Variants in CCDC30 observed in about 807,000 individuals in gnomAD.
CCDC30 encodes the protein coiled-coil domain containing 30.
Under a neutral mutation model 100.2 loss-of-function variants are expected in CCDC30, and 70 were observed. The ratio of observed to expected loss-of-function variants is 0.70; its 90% CI spans 0.58 to 0.85. The LOEUF (loss-of-function observed/expected upper bound fraction) is 0.85. Ranked by LOEUF, CCDC30 falls within the 40% of genes least tolerant of loss-of-function variation. The probability of loss-of-function intolerance (pLI) is 0.00; values close to 1 mark genes in which losing one functional copy is unlikely to be tolerated. For synonymous variants in CCDC30, 233 were observed against 269.5 expected (o/e 0.86, Z 1.33); for missense variants, 652 against 771.2 (o/e 0.85, Z 1.83).
At chr1:42,601,668 G>A (rs2148626106) in intron 10 of CCDC30, among the ~76,000 whole-genome samples, 1 of 152,224 alleles carries the variant, frequency 6.6e-6, no homozygotes, top group South Asian at 2.1e-4. Context: ...GGATTCAACA[G>A]GTGAACTGCA....
At chr1:42,565,308 C>A (rs941194950) in intron 6 of CCDC30, among the ~76,000 whole-genome samples, 42 of 151,912 alleles carry the variant, frequency 2.8e-4, no homozygotes, top group African/African-American at 1.0e-3. Flanking sequence ...GGTTAATACC[C>A]AAAATATATA....
At chr1:42,514,950 G>T (rs1557818615) in intron 6 of CCDC30, among the ~76,000 whole-genome samples, 1 of 152,078 alleles carries the variant, frequency 6.6e-6, no homozygotes, top group Non-Finnish European at 1.5e-5. Flanking sequence ...ACTGTGCTTG[G>T]CCTCTTAGGT....
intron 9 of CCDC30, among the ~76,000 whole-genome samples, chr1:42,583,195 C>G (rs957566842): frequency 2.6e-5 from 4 of 152,162 alleles, no homozygotes; most frequent in African/African-American, 7.2e-5. Flanking sequence ...GCTGTTGTCT[C>G]TTTAAACTTT....
downstream of CCDC30, among the ~76,000 whole-genome samples, chr1:42,655,867 C>CTT (rs766715541): frequency 0.035 from 3,041 of 87,182 alleles, 72 homozygotes; most frequent in South Asian, 0.056. Flanking sequence ...GCTGTTTTTA[C>CTT]TTTTTTTTTT....
At chr1:42,550,834 A>G (rs1645236684) in intron 6 of CCDC30, among the ~76,000 whole-genome samples, 1 of 152,234 alleles carries the variant, frequency 6.6e-6, no homozygotes, top group Non-Finnish European at 1.5e-5. Flanking sequence ...TGCTTGTCAT[A>G]TAGTTGATAT....
downstream of CCDC30, chr1:42,654,774 A>G (rs1465417677): frequency 1.4e-5 from 2 of 147,424 alleles, no homozygotes; most frequent in African/African-American, 2.5e-5. Context: ...GTGCAGTGGC[A>G]TGATCTCCGC....
intron 9 of CCDC30, 58 bp from the exon 14 acceptor site, chr1:42,589,263 A>T: frequency 7.2e-7 from 1 of 1,386,032 alleles, no homozygotes; most frequent in Non-Finnish European, 9.8e-7. Flanking sequence ...TAAAAATTTT[A>T]GGTCTGAATT....
At chr1:42,655,941 A>T (rs1286736670), downstream of CCDC30, among the ~76,000 whole-genome samples, 2 of 121,930 alleles carry the variant, frequency 1.6e-5, no homozygotes, top group Admixed American at 1.1e-4. Context: ...TGGTTTGATT[A>T]CTGCTCATGC....
rs556490665 is a variant in CCDC30 at position 42,635,110 on chromosome 1, CA to C, written c.1278-2126del. Among the ~76,000 whole-genome samples, 24 of 152,224 alleles carry C rather than the reference CA, an allele frequency of 1.6e-4. 1 individual carries two copies. The East Asian group carries it at 4.1e-3, about 26-fold the overall frequency. On this transcript the variant is annotated intron_variant, in intron 11 of 16. Transcript: ENST00000668663. ...TCCCTCTGTTGCCCAGGCTGGAGTG[CA>C]GGGGCGCAATCTTGGCTCACTGCAA...
At chr1:42,495,252 A>G (rs925003783) in intron 4 of CCDC30, among the ~76,000 whole-genome samples, 3 of 151,918 alleles carry the variant, frequency 2.0e-5, no homozygotes, top group African/African-American at 7.3e-5. Flanking sequence ...AAACTATTGC[A>G]AGAACAAAAA....
chr1:42,536,413 T>A (rs1388310443), intron 6 of CCDC30, 63 bp from the exon 7 acceptor site: 1 of 1,036,370 alleles, frequency 9.6e-7, no homozygotes, highest in African/African-American at 1.6e-5. Context: ...GTTGTTATTA[T>A]CAGAATTTGT....
At chr1:42,460,420 T>G (rs966831376), upstream of CCDC30, 1 of 983,414 alleles carries the variant, frequency 1.0e-6, no homozygotes, top group Non-Finnish European at 1.2e-6. Context: ...AAAGGATGTT[T>G]TGTTTTGTTT....
chr1:42,539,827 T>C (rs1644977860), intron 6 of CCDC30, among the ~76,000 whole-genome samples: 1 of 151,928 alleles, frequency 6.6e-6, no homozygotes, highest in South Asian at 2.1e-4. Context: ...TTTAAAAATG[T>C]GCCCAGGAGT....
intron 10 of CCDC30, among the ~76,000 whole-genome samples, chr1:42,604,866 G>T (rs1646473169): frequency 6.6e-6 from 1 of 152,314 alleles, no homozygotes; most frequent in South Asian, 2.1e-4. Context: ...GATTGAACAA[G>T]AAGAGGCCAT....
At chr1:42,568,454 AG>A (rs1389025801) in intron 7 of CCDC30, among the ~76,000 whole-genome samples, 3 of 152,272 alleles carry the variant, frequency 2.0e-5, no homozygotes, top group African/African-American at 7.2e-5. Flanking sequence ...ACAACCCTAA[AG>A]GGTCAGCACT....
intron 6 of CCDC30, among the ~76,000 whole-genome samples, chr1:42,501,073 CAAA>C (rs886085236): frequency 3.9e-5 from 6 of 152,076 alleles, no homozygotes; most frequent in Non-Finnish European, 8.8e-5. Context: ...TGATAGGACA[CAAA>C]AAGCCTATTT....
intron 10 of CCDC30, among the ~76,000 whole-genome samples, chr1:42,601,722 C>T (rs1646408332): frequency 6.6e-6 from 1 of 152,110 alleles, no homozygotes; most frequent in Admixed American, 6.5e-5. Context: ...AAAAAGAAGC[C>T]AGCCAGCAAA....
rs374401516 is a variant in CCDC30 at position 42,469,543 on chromosome 1, A to C, written c.-92+5645A>C. On this transcript the variant is annotated intron_variant, in intron 1 of 16. Transcript: ENST00000668663. Reference sequence around the variant, plus strand: ...TTATTTCTTGTATCTTTAAGACCAGAGATGTCTTGAGCTGAGGACAAGAGA... The same window carrying C: ...TTATTTCTTGTATCTTTAAGACCAGCGATGTCTTGAGCTGAGGACAAGAGA... 7.2e-5 allele frequency among the ~76,000 whole-genome samples: 11 copies of C among 152,290 alleles called. No homozygotes were observed. The East Asian group carries it at 2.1e-3, about 29-fold the overall frequency.
chr1:42,573,573 C>G (rs1645776409), intron 7 of CCDC30, among the ~76,000 whole-genome samples: 1 of 151,854 alleles, frequency 6.6e-6, no homozygotes, highest in East Asian at 1.9e-4. Context: ...TATGTTAAAC[C>G]TTTCATTCTT....
Sources: gnomAD v4.1 joint callset for allele counts (sites outside exome capture counted in the v4.1 genomes callset) on GRCh38, gnomAD v4.1.1 for gene constraint, MANE v1.5 for transcripts, NCBI Gene and HGNC (gene_info 2026-07-23, HGNC 2026-07-21) for gene names.